AVEN: variants seen among roughly 807,000 people sequenced by gnomAD.
The protein encoded by AVEN is apoptosis and caspase activation inhibitor.
AVEN carries 41 observed loss-of-function variants against 38.1 expected under a neutral mutation model. The observed-to-expected ratio is 1.08, with a 90% CI of 0.84 to 1.40. AVEN has a LOEUF of 1.40. Among genes scored for constraint, AVEN ranks in the 40% most tolerant of loss-of-function variants. AVEN has a pLI of 0.00. For missense variants in AVEN, 605 were observed against 438.8 expected, an observed-to-expected ratio of 1.38 and a Z score of -3.38; for synonymous variants, 206 against 171.8, an observed-to-expected ratio of 1.20 and a Z score of -1.56.
intron 2 of AVEN, among the ~76,000 whole-genome samples, chr15:33,981,891 G>C (rs1161265405): frequency 1.3e-5 from 2 of 152,102 alleles, no homozygotes; most frequent in African/African-American, 4.8e-5. Flanking sequence ...CTGGAGTGCA[G>C]TGGCGCGATC....
downstream of AVEN, chr15:33,864,905 G>A: frequency 2.0e-6 from 1 of 498,062 alleles, no homozygotes; most frequent in Non-Finnish European, 3.6e-6. Flanking sequence ...CTTGTTTGGG[G>A]CAGAGGGGGA....
Position 33,932,834 on chromosome 15 carries a change from C to CAAATAAATAAATAAATAAAT in AVEN, c.446-56840_446-56839insATTTATTTATTTATTTATTT, listed in dbSNP as rs368767063. Among the ~76,000 whole-genome samples, 613 of 139,946 alleles carry CAAATAAATAAATAAATAAAT rather than the reference C, an allele frequency of 4.4e-3. 3 individuals carry two copies. The highest frequency in any genetic ancestry group is 4.7e-3 in the Non-Finnish European group (307 of 65,604). 91.8% of individuals were successfully genotyped at this position (139,946 alleles called of 152,430 possible). ...GAGCAAGACTCCATCACAAAATAAACAAACAAATAAATAAATAAATAAATA... is the reference window on the plus strand; with the variant it reads ...GAGCAAGACTCCATCACAAAATAAACAAATAAATAAATAAATAAATAAACAAATAAATAAATAAATAAATA... On this transcript the variant is annotated intron_variant, in intron 2 of 5. Transcript: ENST00000306730.
chr15:33,983,857 G>C (rs529907388), intron 2 of AVEN, among the ~76,000 whole-genome samples: 40 of 151,762 alleles, frequency 2.6e-4, no homozygotes, highest in African/African-American at 9.7e-4. Flanking sequence ...TGTGTCCACT[G>C]ACATGATCCA....
chr15:33,978,681 A>C (rs1896001386), intron 2 of AVEN, among the ~76,000 whole-genome samples: 1 of 151,952 alleles, frequency 6.6e-6, no homozygotes, highest in Admixed American at 6.6e-5. Context: ...TAAATAAATA[A>C]ATAAAAATAA....
chr15:34,042,905 A>G (rs556207896), upstream of AVEN, among the ~76,000 whole-genome samples: 3 of 152,274 alleles, frequency 2.0e-5, no homozygotes, highest in East Asian at 5.8e-4. Context: ...GTGTCAAGGT[A>G]GCATCTGAGC....
chr15:33,969,530 A>G (rs1480480136), intron 2 of AVEN, among the ~76,000 whole-genome samples: 2 of 151,958 alleles, frequency 1.3e-5, no homozygotes, highest in Non-Finnish European at 2.9e-5. Flanking sequence ...ACTTGATAAA[A>G]CAAAGAAAAA....
intron 11 of AVEN, among the ~76,000 whole-genome samples, chr15:33,860,168 G>C (rs905193536): frequency 1.3e-5 from 2 of 152,218 alleles, no homozygotes; most frequent in South Asian, 2.1e-4. Flanking sequence ...TTTAGCTTGA[G>C]TCATGCTGAG....
At chr15:33,854,888 A>G, downstream of AVEN, 2 of 1,612,602 alleles carry the variant, frequency 1.2e-6, no homozygotes, top group Non-Finnish European at 1.7e-6. Flanking sequence ...CCATTCTGTC[A>G]TCTGTAACTC....
rs549576996 is a variant in AVEN, at chr15:34,046,103, T to G, written n.1637+16819A>C. ...TCCCAGATAACCACTTATATTTCAT[T>G]TGCCTCTGCAACTTTCCTCAAAAAT... is the stretch of plus-strand genomic sequence containing the variant. On this transcript the variant is annotated intron_variant and non_coding_transcript_variant, in intron 5 of 11. Transcript: ENST00000675287. 1.1e-4 allele frequency among the ~76,000 whole-genome samples: 16 copies of G among 152,318 alleles called. No homozygotes were observed. In the East Asian group the frequency reaches 2.7e-3, roughly 26 times the overall value.
chr15:34,057,133 T>G (rs577353258), intron 5 of AVEN, among the ~76,000 whole-genome samples: 34 of 46,320 alleles, frequency 7.3e-4, no homozygotes, highest in African/African-American at 1.2e-3. Context: ...AGAGTTTTGG[T>G]TTTTTTTGGT....
chr15:33,872,741 T>G (rs1261534895), intron 3 of AVEN, among the ~76,000 whole-genome samples: 3 of 152,126 alleles, frequency 2.0e-5, no homozygotes, highest in African/African-American at 7.2e-5. Context: ...CTTAGGTGAT[T>G]TAAAAAATAA....
intron 1 of AVEN, among the ~76,000 whole-genome samples, chr15:34,006,422 T>C (rs1427685471): frequency 1.3e-5 from 2 of 152,136 alleles, no homozygotes; most frequent in African/African-American, 2.4e-5. Flanking sequence ...TGTTGGCCCA[T>C]TGGGTGAACA....
intron 1 of AVEN, among the ~76,000 whole-genome samples, chr15:34,072,954 G>A (rs1397676507): frequency 4.0e-5 from 6 of 150,630 alleles, no homozygotes. Context: ...CAGCCTACCT[G>A]TAATTTTAAT....
chr15:34,033,040 C>T (rs1405981455), intron 1 of AVEN, among the ~76,000 whole-genome samples: 1 of 152,098 alleles, frequency 6.6e-6, no homozygotes, highest in Non-Finnish European at 1.5e-5. Flanking sequence ...TTCCCATCTA[C>T]CTATTTATGT....
chr15:33,859,460 C>T (rs918531857), intron 11 of AVEN: 2 of 1,116,334 alleles, frequency 1.8e-6, no homozygotes, highest in Admixed American at 2.0e-5. Flanking sequence ...TGAAGAGTTC[C>T]CCTCTCGTGG....
chr15:33,868,537 T>G (rs1597168235), intron 4 of AVEN, among the ~76,000 whole-genome samples: 1 of 89,854 alleles, frequency 1.1e-5, no homozygotes, highest in African/African-American at 4.5e-5. Context: ...AGAATGAGAC[T>G]CCGTCTCAAA....
At chr15:33,862,908 C>A (rs1309512786), downstream of AVEN, among the ~76,000 whole-genome samples, 6 of 152,258 alleles carry the variant, frequency 3.9e-5, no homozygotes, top group African/African-American at 1.4e-4. Context: ...TGAGCCATCA[C>A]ACCCGGCCTC....
intron 4 of AVEN, chr15:34,064,483 C>A: frequency 2.6e-6 from 2 of 762,284 alleles, no homozygotes; most frequent in Non-Finnish European, 2.1e-6. Flanking sequence ...GGGGCCATAG[C>A]TGCAGCAATT....
chr15:34,033,371 C>T (rs986535642), intron 1 of AVEN, among the ~76,000 whole-genome samples: 3 of 151,848 alleles, frequency 2.0e-5, no homozygotes, highest in Admixed American at 2.0e-4. Flanking sequence ...CCGGGTGTGG[C>T]GGTGTGCACC....
Sources: gnomAD v4.1 joint callset for allele counts (sites outside exome capture counted in the v4.1 genomes callset) on GRCh38, gnomAD v4.1.1 for gene constraint, MANE v1.5 for transcripts, NCBI Gene and HGNC (gene_info 2026-07-23, HGNC 2026-07-21) for gene names.